The following CRMP1 variants were observed in gnomAD, a reference collection of about 807,000 sequenced individuals.
CRMP1 encodes the protein collapsin response mediator protein 1, also known as dihydropyrimidinase-related protein 1.
In CRMP1, 19 loss-of-function variants were observed where a neutral mutation model predicts 68.3. The ratio of observed to expected loss-of-function variants is 0.28; its 90% CI spans 0.19 to 0.41. CRMP1 has a LOEUF of 0.41. Among genes scored for constraint, CRMP1 ranks in the 10% least tolerant of loss-of-function variants. The pLI, the probability that CRMP1 is intolerant of heterozygous loss-of-function variation, is 1.00. For missense variants in CRMP1, 791 were observed against 967.4 expected (o/e 0.82, Z 2.42); for synonymous variants, 439 against 399.6 (o/e 1.10, Z -1.18).
intron 6 of CRMP1, 70 bp downstream of exon 6, chr4:5,849,322 C>G: frequency 7.5e-7 from 1 of 1,331,600 alleles, no homozygotes; most frequent in Non-Finnish European, 1.1e-6. Flanking sequence ...AACCAATGCT[C>G]TTTTATCAAA....
rs1171588941 is a variant in CRMP1 at position 5,860,054 on chromosome 4, G to A, written c.655+972C>T. On this transcript the variant is annotated intron_variant, in intron 3 of 13. Coordinates refer to ENST00000324989, the MANE Select transcript of CRMP1 (RefSeq NM_001014809.3). This position sits in a 1 kb window ranked among gnomAD's most constrained non-coding sequence, Gnocchi z 4.2. ...CGGGCTGCACAGGGCAATGGAGGAG[G>A]AGTCCAGTTTCCCAGACCGAGCACT... Among the ~76,000 whole-genome samples, 2 of 152,074 alleles carry A rather than the reference G, an allele frequency of 1.3e-5. No homozygotes were observed. Among genetic ancestry groups the A allele is most frequent in the South Asian group, 4.2e-4 (2 of 4,818 alleles).
Position 5,863,933 on chromosome 4 carries a change from T to C in CRMP1, c.471-2723A>G, listed in dbSNP as rs574274049. Among the ~76,000 whole-genome samples, 11 of 152,138 alleles carry C rather than the reference T, an allele frequency of 7.2e-5. No individual in the cohort carries two copies. The South Asian group carries it at 2.3e-3, about 32-fold the overall frequency. On this transcript the variant is annotated intron_variant, in intron 2 of 13. Coordinates refer to ENST00000324989, the MANE Select transcript of CRMP1 (RefSeq NM_001014809.3). ...CCTGTGAGGCCTCAGTCACCGTCACTCACTCAGCTTCACAAGTCCGGAGTA... is the reference window on the plus strand; with the variant it reads ...CCTGTGAGGCCTCAGTCACCGTCACCCACTCAGCTTCACAAGTCCGGAGTA...
intron 10 of CRMP1, among the ~76,000 whole-genome samples, chr4:5,836,319 C>A (rs1215349240): frequency 6.6e-6 from 1 of 152,182 alleles, no homozygotes; most frequent in East Asian, 1.9e-4. Context: ...GACATCTTGT[C>A]CATGTCACCA....
In CRMP1 at chr4:5,838,935, T is replaced by G. The variant is rs1205194161; in HGVS notation, c.1310+587A>C. ...TCTGCTTCCAGAGCGGCCTGGACAC[T>G]TAGCCTCGCTGTGTGGCCCTGCTAT... On this transcript the variant is annotated intron_variant, in intron 9 of 13. Transcript: ENST00000324989. The surrounding 1 kb of genome is among the most constrained non-coding windows in gnomAD (Gnocchi z 4.9). Among the ~76,000 whole-genome samples, 1 of 152,206 alleles carries G rather than the reference T, an allele frequency of 6.6e-6. No homozygotes were observed. The highest frequency in any genetic ancestry group is 1.5e-5 in the Non-Finnish European group (1 of 68,038).
chr4:5,848,312 A>G (rs1712373501), intron 6 of CRMP1, among the ~76,000 whole-genome samples: 1 of 152,002 alleles, frequency 6.6e-6, no homozygotes, highest in South Asian at 2.1e-4. Flanking sequence ...CTGTATTCCC[A>G]CCTGTAATAG....
rs1390678152 is a variant in CRMP1, at chr4:5,843,605, A to G, written c.964-444T>C. On this transcript the variant is annotated intron_variant, in intron 6 of 13. Transcript: ENST00000324989. This position sits in a 1 kb window ranked among gnomAD's most constrained non-coding sequence, Gnocchi z 4.1. Reference sequence around the variant, plus strand: ...ATCCCGAAACTGGGAGTCCAGATCCAGAACAGCCGTCTCTGTGACTTTGGG... The same window carrying G: ...ATCCCGAAACTGGGAGTCCAGATCCGGAACAGCCGTCTCTGTGACTTTGGG... Among the ~76,000 whole-genome samples the G allele has an allele frequency of 2.0e-5, 3 of 152,188 alleles. No individual in the cohort carries two copies. Among genetic ancestry groups the G allele is most frequent in the Non-Finnish European group, 4.4e-5 (3 of 68,042 alleles).
At chr4:5,829,418 T>C (rs1050612601) in intron 11 of CRMP1, among the ~76,000 whole-genome samples, 1 of 152,132 alleles carries the variant, frequency 6.6e-6, no homozygotes, top group Admixed American at 6.5e-5. Context: ...AAACTCACCT[T>C]CTTTCCATTA....
rs371270427 is a variant in CRMP1 at position 5,859,732 on chromosome 4, T to A, written c.655+1294A>T. Among the ~76,000 whole-genome samples, 7 of 152,040 alleles carry A rather than the reference T, an allele frequency of 4.6e-5. No individual in the cohort carries two copies. Among genetic ancestry groups the A allele is most frequent in the Admixed American group, 1.3e-4 (2 of 15,278 alleles). On this transcript the variant is annotated intron_variant, in intron 3 of 13. Transcript: ENST00000324989. This position sits in a 1 kb window ranked among gnomAD's most constrained non-coding sequence, Gnocchi z 5.2. ...CACGGGCTGCCCTTTGGAAGAGGGATCAGGACAGTGCTTGCCTCAAAAGTC... is the reference window on the plus strand; with the variant it reads ...CACGGGCTGCCCTTTGGAAGAGGGAACAGGACAGTGCTTGCCTCAAAAGTC...
intron 9 of CRMP1, among the ~76,000 whole-genome samples, chr4:5,837,678 TAAATAAAATA>T (rs1553904006): frequency 7.9e-6 from 1 of 126,268 alleles, no homozygotes; most frequent in Admixed American, 7.6e-5. Context: ...TAAAATAAAA[TAAATAAAATA>T]AAATAAAATA....
In CRMP1 at chr4:5,865,596, G is replaced by GGT. The variant is rs1713936955; in HGVS notation, c.470+1070_470+1071dup. Among the ~76,000 whole-genome samples, 1 of 149,590 alleles carries GGT rather than the reference G, an allele frequency of 6.7e-6. No individual in the cohort carries two copies. The highest frequency in any genetic ancestry group is 1.5e-5 in the Non-Finnish European group (1 of 67,486). On this transcript the variant is annotated intron_variant, in intron 2 of 13. Coordinates refer to ENST00000324989, the MANE Select transcript of CRMP1 (RefSeq NM_001014809.3). This position sits in a 1 kb window ranked among gnomAD's most constrained non-coding sequence, Gnocchi z 4.1. ...AGATTGTGCCACTGCACTCCAGCCT[G>GGT]GTGACAGAGTGAGACTCCGTCTCAA...
intron 6 of CRMP1, 59 bp downstream of exon 6, chr4:5,849,333 C>T: frequency 7.1e-7 from 1 of 1,413,790 alleles, no homozygotes; most frequent in Non-Finnish European, 1.0e-6. Context: ...TTTTATCAAA[C>T]CTTTTGCAAC....
intron 8 of CRMP1, among the ~76,000 whole-genome samples, chr4:5,840,519 T>C (rs1402947616): frequency 1.3e-5 from 2 of 152,248 alleles, no homozygotes; most frequent in African/African-American, 4.8e-5. Flanking sequence ...CAAGCAGCGC[T>C]TTCTGCAGCG....
Position 5,893,067 on chromosome 4 carries a change from G to C in CRMP1, c.-98C>G. The C allele has an allele frequency of 1.2e-6, 1 of 833,804 alleles. No homozygotes were observed. The highest frequency in any genetic ancestry group is 1.4e-6 in the Non-Finnish European group (1 of 692,420). 51.7% of individuals were successfully genotyped at this position (833,804 alleles called of 1,614,324 possible). A position where few individuals can be genotyped will look rare whatever the true frequency, so the allele number is the denominator to read the frequency against. On this transcript the variant is annotated 5_prime_UTR_variant, in exon 1 of 14. Coordinates refer to ENST00000324989, the MANE Select transcript of CRMP1 (RefSeq NM_001014809.3). ...GCTCCGCGCCTCGGTGCGGGCCTGC[G>C]GCGGCCCGGGCGCGACTGCGGCCCA... is the stretch of plus-strand genomic sequence containing the variant.
At position 5,861,333 on chromosome 4, in the gene CRMP1, A is replaced by G; in HGVS notation, c.471-123T>C. 2 of 953,876 alleles carry G rather than the reference A, an allele frequency of 2.1e-6. No individual in the cohort carries two copies. Among genetic ancestry groups the G allele is most frequent in the Admixed American group, 4.7e-5 (2 of 42,370 alleles). 59.1% of individuals were successfully genotyped at this position (953,876 alleles called of 1,614,324 possible). A position where few individuals can be genotyped will look rare whatever the true frequency, so the allele number is the denominator to read the frequency against. ...CCAGGCCCTTCACAAGGCCCTGGGG[A>G]GACAGAGATAACTCAGGCAGGGCAC... is the stretch of plus-strand genomic sequence containing the variant. On this transcript the variant is annotated intron_variant, in intron 2 of 13. Transcript: ENST00000324989. The surrounding 1 kb of genome is among the most constrained non-coding windows in gnomAD (Gnocchi z 6.0).
chr4:5,829,419 CT>C (rs1259516810), intron 11 of CRMP1, among the ~76,000 whole-genome samples: 1 of 152,136 alleles, frequency 6.6e-6, no homozygotes, highest in Non-Finnish European at 1.5e-5. Context: ...AACTCACCTT[CT>C]TTCCATTATT....
chr4:5,830,009 C>A (rs1048237532), intron 11 of CRMP1, among the ~76,000 whole-genome samples: 2 of 152,194 alleles, frequency 1.3e-5, no homozygotes, highest in Non-Finnish European at 2.9e-5. Flanking sequence ...CTTTGGTAAA[C>A]AGTATCTATG....
At chr4:5,884,482 G>GCACACACACACACACACACA (rs59746322) in intron 1 of CRMP1, among the ~76,000 whole-genome samples, 20 of 150,204 alleles carry the variant, frequency 1.3e-4, no homozygotes, top group African/African-American at 4.6e-4. Flanking sequence ...AACTATGCAT[G>GCACACACACACACACACACA]CACACACACA....
chr4:5,834,120 G>A lies in CRMP1; in HGVS notation c.1623+1795C>T, dbSNP rs1186971399. Reference sequence around the variant, plus strand: ...TCTGGGTCCTTGTCCGCCGACCTTTGACTGGCTGACACAGACATTCACGTT... The same window carrying A: ...TCTGGGTCCTTGTCCGCCGACCTTTAACTGGCTGACACAGACATTCACGTT... On this transcript the variant is annotated intron_variant, in intron 11 of 13. Coordinates refer to ENST00000324989, the MANE Select transcript of CRMP1 (RefSeq NM_001014809.3). The surrounding 1 kb of genome is among the most constrained non-coding windows in gnomAD (Gnocchi z 4.3). Among the ~76,000 whole-genome samples the A allele has an allele frequency of 6.6e-6, 1 of 152,204 alleles. No individual in the cohort carries two copies. Among genetic ancestry groups the A allele is most frequent in the Non-Finnish European group, 1.5e-5 (1 of 68,034 alleles).
intron 1 of CRMP1, among the ~76,000 whole-genome samples, chr4:5,867,017 T>C (rs757997454): frequency 5.9e-5 from 9 of 152,164 alleles, no homozygotes; most frequent in Non-Finnish European, 1.0e-4. Context: ...TTTCCACCTA[T>C]AAATACTTCA....
Sources: allele counts gnomAD v4.1 joint callset (sites outside exome capture counted in the v4.1 genomes callset), GRCh38; gene constraint gnomAD v4.1.1; non-coding constraint Gnocchi (gnomAD v3.1); transcripts MANE v1.5; gene names NCBI Gene and HGNC (gene_info 2026-07-23, HGNC 2026-07-21).